Variants in CACNA1A observed in about 807,000 individuals in gnomAD.
CACNA1A encodes voltage-dependent P/Q-type calcium channel subunit alpha-1A.
CACNA1A carries 57 observed loss-of-function variants against 262.4 expected under a neutral mutation model. That is an observed-to-expected ratio of 0.22 (90% CI 0.18 to 0.27). The LOEUF (loss-of-function observed/expected upper bound fraction) is 0.27, where lower values mean the gene tolerates loss of function less well. Ranked by LOEUF, CACNA1A falls within the 10% of genes least tolerant of loss-of-function variation. The pLI is 1.00. For synonymous variants in CACNA1A, 1,431 were observed against 1,419.3 expected (o/e 1.01, Z -0.18); for missense variants, 2,526 against 3,562.8 (o/e 0.71, Z 7.41).
In CACNA1A at chr19:13,452,938, G is replaced by C; in HGVS notation, c.477C>G (p.Phe159Leu). 6.2e-7 allele frequency: 1 copy of C among 1,613,790 alleles called. No individual in the cohort carries two copies. Among genetic ancestry groups the C allele is most frequent in the Non-Finnish European group, 8.5e-7 (1 of 1,179,700 alleles). Residue 159 changes from phenylalanine (F) to leucine (L), a missense_variant, in exon 3 of 47, where the codon TTC (phenylalanine) becomes TTG (leucine). Coordinates refer to ENST00000360228, the MANE Select transcript of CACNA1A (RefSeq NM_001127222.2). The stretch of plus-strand genomic sequence containing the variant: ...CATTCCTCAAGTAGGAGCCTTTGTG[G>C]AAGGCAAACCCAAGGGCAATGATTT... ...GIKIIALGFA[F>L]HKGSYLRNGW...
Position 13,286,958 on chromosome 19 carries a change from TG to T in CACNA1A, c.3097del (p.Gln1033ArgfsTer36). The T allele has an allele frequency of 6.3e-7, 1 of 1,594,972 alleles. No individual in the cohort carries two copies. Among genetic ancestry groups the T allele is most frequent in the Non-Finnish European group, 8.6e-7 (1 of 1,169,516 alleles). Reference protein sequence around the residue: ...ERRHRRRKENQGSGVPVSGPN... With the variant: ...ERRHRRRKENXGSGVPVSGPN... Reference sequence around the variant, plus strand: ...GCCCGACACAGGGACCCCGGAGCCCTGGTTCTCTCTGAGGAAGGCAAGTGAA... The same window carrying T: ...GCCCGACACAGGGACCCCGGAGCCCTGTTCTCTCTGAGGAAGGCAAGTGAA... On this transcript the variant is annotated frameshift_variant, in exon 20 of 47. Coordinates refer to ENST00000360228, the MANE Select transcript of CACNA1A (RefSeq NM_001127222.2). LOFTEE classifies it high-confidence loss of function.
intron 3 of CACNA1A, among the ~76,000 whole-genome samples, chr19:13,412,353 T>C (rs2060125498): frequency 6.6e-6 from 1 of 152,126 alleles, no homozygotes; most frequent in Admixed American, 6.6e-5. Flanking sequence ...TGTGCCACTC[T>C]GCACCCAGCA....
At chr19:13,430,783 A>T (rs73507077) in intron 3 of CACNA1A, among the ~76,000 whole-genome samples, 4,741 of 152,168 alleles carry the variant, frequency 0.031, 243 homozygotes, top group African/African-American at 0.11. Flanking sequence ...AGCTTGGCAG[A>T]TGCTCTTCAG....
At chr19:13,382,713 G>A (rs745891133) in intron 3 of CACNA1A, among the ~76,000 whole-genome samples, 8 of 152,158 alleles carry the variant, frequency 5.3e-5, no homozygotes, top group Non-Finnish European at 8.8e-5. Flanking sequence ...AGTTAGGAGG[G>A]AGCCGCAAGA....
intron 35 of CACNA1A, 43 bp from the exon 36 acceptor site, chr19:13,230,252 C>G: frequency 1.2e-6 from 2 of 1,608,988 alleles, no homozygotes; most frequent in Non-Finnish European, 1.7e-6. Flanking sequence ...GGGCAGAGAC[C>G]GAGGGAATGA....
intron 1 of CACNA1A, among the ~76,000 whole-genome samples, chr19:13,487,325 C>T (rs575172951): frequency 6.6e-6 from 1 of 152,250 alleles, no homozygotes; most frequent in South Asian, 2.1e-4. Context: ...TGGGGGCAGC[C>T]CCCAGTGGGG....
At chr19:13,460,580 C>T (rs898514265) in intron 1 of CACNA1A, among the ~76,000 whole-genome samples, 2 of 152,106 alleles carry the variant, frequency 1.3e-5, no homozygotes, top group African/African-American at 2.4e-5. Context: ...CACTCAAAAG[C>T]AAAAACAAAG....
chr19:13,399,578 G>C (rs542804497), intron 3 of CACNA1A, among the ~76,000 whole-genome samples: 1 of 152,070 alleles, frequency 6.6e-6, no homozygotes, highest in Non-Finnish European at 1.5e-5. Context: ...TAATGAGCAC[G>C]ACCAGTTCTC....
intron 43 of CACNA1A, 170 bp from the exon 44 acceptor site, chr19:13,210,822 TAA>T (rs1416488489): frequency 1.4e-6 from 1 of 738,890 alleles, no homozygotes; most frequent in Admixed American, 2.2e-5. Context: ...AAAGAAAAGT[TAA>T]AGTCCTGGCG....
rs1004188120 is a variant in CACNA1A, at chr19:13,308,924, C to T, written c.1669-396G>A. 1 of 155,162 alleles carries T rather than the reference C, an allele frequency of 6.4e-6. No individual in the cohort carries two copies. Among genetic ancestry groups the T allele is most frequent in the African/African-American group, 2.4e-5 (1 of 41,592 alleles). 9.6% of individuals were successfully genotyped at this position (155,162 alleles called of 1,614,324 possible). On this transcript the variant is annotated intron_variant, in intron 12 of 46. Coordinates refer to ENST00000360228, the MANE Select transcript of CACNA1A (RefSeq NM_001127222.2). The surrounding 1 kb of genome is among the most constrained non-coding windows in gnomAD (Gnocchi z 4.2). ...AAACTTCTGGGCTGAAGCCATCCTC[C>T]TGCTTTGGTCTCTCCAACTGTTGGC...
At chr19:13,285,285 C>A in intron 20 of CACNA1A, 79 bp from the exon 21 acceptor site, 2 of 1,538,308 alleles carry the variant, frequency 1.3e-6, no homozygotes, top group Non-Finnish European at 1.8e-6. Context: ...ACTCCCAGGG[C>A]AGGCAAGAAG....
chr19:13,346,656 A>C (rs1568557600), intron 6 of CACNA1A, among the ~76,000 whole-genome samples: 1 of 5,486 alleles, frequency 1.8e-4, no homozygotes. Context: ...ATATATATAT[A>C]TATATATATA....
At chr19:13,395,899 G>T (rs1383103131) in intron 3 of CACNA1A, among the ~76,000 whole-genome samples, 1 of 152,194 alleles carries the variant, frequency 6.6e-6, no homozygotes, top group East Asian at 1.9e-4. Flanking sequence ...AGACCAAGGA[G>T]AATCAAGACA....
intron 6 of CACNA1A, among the ~76,000 whole-genome samples, chr19:13,353,897 G>T (rs529404032): frequency 6.6e-6 from 1 of 152,248 alleles, no homozygotes; most frequent in Non-Finnish European, 1.5e-5. Context: ...CCCATCACTT[G>T]TTCTCTTGTG....
chr19:13,447,930 A>C (rs958858531), intron 3 of CACNA1A, among the ~76,000 whole-genome samples: 2 of 152,134 alleles, frequency 1.3e-5, no homozygotes, highest in Admixed American at 1.3e-4. Flanking sequence ...CACCGGCTCA[A>C]ATGTTAATCT....
At chr19:13,329,477 GGTTT>G (rs1248931225) in intron 10 of CACNA1A, among the ~76,000 whole-genome samples, 6 of 147,920 alleles carry the variant, frequency 4.1e-5, no homozygotes, top group Admixed American at 1.3e-4. Flanking sequence ...GTAGGGATTT[GGTTT>G]GTGTCTTTTT....
Position 13,259,722 on chromosome 19 carries a change from T to C in CACNA1A, c.4251-21A>G, listed in dbSNP as rs751168566. 5.6e-6 allele frequency: 9 copies of C among 1,609,230 alleles called. No individual in the cohort carries two copies. The East Asian group carries it at 2.0e-4, about 36-fold the overall frequency. ...TGCCTCTGCCACAGAGAGTGGGGAC[T>C]GTTAGTAAATGGGAAAGAGGGGCTG... On this transcript the variant is annotated intron_variant, in intron 26 of 46. Transcript: ENST00000360228.
Position 13,232,853 on chromosome 19 carries a change from G to A in CACNA1A, c.5250-993C>T, listed in dbSNP as rs533157910. On this transcript the variant is annotated intron_variant, in intron 34 of 46. Transcript: ENST00000360228. ...CACCTGAGGTCAGGAGTTTGAGAAC[G>A]GCCTGACCAACATGGCAAAACCCCG... Among the ~76,000 whole-genome samples the A allele has an allele frequency of 2.8e-4, 42 of 150,984 alleles. No individual in the cohort carries two copies. In the South Asian group the frequency reaches 6.3e-3, roughly 23 times the overall value.
rs17846918 is a variant in CACNA1A, at chr19:13,228,859, G to A, written c.5528+1223C>T. The A allele has an allele frequency of 0.063, 55,704 of 889,214 alleles. 1,979 individuals are homozygous for A. Among genetic ancestry groups the A allele is most frequent in the South Asian group, 0.092 (6,083 of 66,206 alleles). The allele number at this position is 889,214 out of a possible 1,614,324, so 55.1% of individuals were successfully genotyped here. A position where few individuals can be genotyped will look rare whatever the true frequency, so the allele number is the denominator to read the frequency against. On this transcript the variant is annotated intron_variant, in intron 36 of 46. Coordinates refer to ENST00000360228, the MANE Select transcript of CACNA1A (RefSeq NM_001127222.2). ...TTCACACGGGCTCCCTGGGCACACA[G>A]CGAGGTCATGATGCCCGAGGCTGGG...
Sources: allele counts gnomAD v4.1 joint callset (sites outside exome capture counted in the v4.1 genomes callset), GRCh38; gene constraint gnomAD v4.1.1; non-coding constraint Gnocchi (gnomAD v3.1); transcripts MANE v1.5; gene names NCBI Gene and HGNC (gene_info 2026-07-23, HGNC 2026-07-21).